CUL9: variants seen among roughly 807,000 people sequenced by gnomAD.
CUL9 encodes cullin-9.
In CUL9, 79 loss-of-function variants were observed where a neutral mutation model predicts 272.6. The observed-to-expected ratio is 0.29, with a 90% CI of 0.24 to 0.35. The LOEUF is 0.35. CUL9 is among the 10% of genes least tolerant of loss of function. The pLI is 1.00. For missense variants in CUL9, 2,532 were observed against 3,255.6 expected, an observed-to-expected ratio of 0.78 and a Z score of 5.41; for synonymous variants, 1,186 against 1,286.5, an observed-to-expected ratio of 0.92 and a Z score of 1.67.
In CUL9 at chr6:43,223,403, G is replaced by T; in HGVS notation, c.7284+6G>T. The T allele has an allele frequency of 6.3e-7, 1 of 1,588,920 alleles. No homozygotes were observed. The highest frequency in any genetic ancestry group is 8.6e-7 in the Non-Finnish European group (1 of 1,166,576). On this transcript the variant is annotated splice_donor_region_variant and intron_variant, in intron 39 of 40. Coordinates refer to ENST00000252050, the MANE Select transcript of CUL9 (RefSeq NM_015089.4). The surrounding 1 kb of genome is among the most constrained non-coding windows in gnomAD (Gnocchi z 4.1). ...TCCTGCAGCATTCTGCCCAGGTACT[G>T]CCCGGCCCAGACCCCTTCTGCTCCT...
Position 43,213,478 on chromosome 6 carries a change from CCCCAGAGCTG to C in CUL9, c.5401_5410del (p.Pro1801CysfsTer15). The C allele has an allele frequency of 6.2e-7, 1 of 1,614,172 alleles. No individual in the cohort carries two copies. Among genetic ancestry groups the C allele is most frequent in the Admixed American group, 1.7e-5 (1 of 60,018 alleles). On this transcript the variant is annotated frameshift_variant, in exon 28 of 41. Transcript: ENST00000252050. LOFTEE classifies it high-confidence loss of function. The surrounding 1 kb of genome is among the most constrained non-coding windows in gnomAD (Gnocchi z 5.7). ...ACCTTGCTGAAGGATTCTGACCTCTCCCCAGAGCTGCTGCTCCAGGCACTCGTGCCCCTCA... is the reference window on the plus strand; with the variant it reads ...ACCTTGCTGAAGGATTCTGACCTCTCCTGCTCCAGGCACTCGTGCCCCTCA...
At position 43,199,276 on chromosome 6, in the gene CUL9, C is replaced by G; in HGVS notation, c.3061C>G (p.Arg1021Gly). 1 of 1,613,128 alleles carries G rather than the reference C, an allele frequency of 6.2e-7. No homozygotes were observed. Among genetic ancestry groups the G allele is most frequent in the South Asian group, 1.1e-5 (1 of 91,052 alleles). ...CTACCCCCTCACCAGGGTCATAACC[C>G]GACTGCTGGATTTCCCTGAGGCAAT... Reference protein sequence around the residue: ...LLLSVLRVITRLLDFPEAMVL... With the variant: ...LLLSVLRVITGLLDFPEAMVL... Residue 1021 changes from arginine to glycine, a missense_variant, in exon 13 of 41, where the codon CGA becomes GGA. Physicochemically the swap from Arg to Gly is moderately radical, Grantham distance 125 (BLOSUM62 -2). Transcript: ENST00000252050. This position sits in a 1 kb window ranked among gnomAD's most constrained non-coding sequence, Gnocchi z 4.4.
intron 1 of CUL9, among the ~76,000 whole-genome samples, chr6:43,182,819 C>T (rs1052464684): frequency 3.3e-5 from 5 of 152,190 alleles, no homozygotes; most frequent in Non-Finnish European, 5.9e-5. Context: ...CATTCTTATT[C>T]TCACTATTCC....
At position 43,198,602 on chromosome 6, in the gene CUL9, G is replaced by T; in HGVS notation, c.2804-7G>T. The T allele has an allele frequency of 6.2e-7, 1 of 1,613,726 alleles. No individual in the cohort carries two copies. The highest frequency in any genetic ancestry group is 8.5e-7 in the Non-Finnish European group (1 of 1,179,736). ...CACATTTTTCCCTCTGGTGTGTCTG[G>T]CTGCAGCACTAGAGACCCCCATCAT... On this transcript the variant is annotated splice_region_variant and splice_polypyrimidine_tract_variant and intron_variant, in intron 11 of 40. Coordinates refer to ENST00000252050, the MANE Select transcript of CUL9 (RefSeq NM_015089.4).
chr6:43,192,932 G>A (rs1562022141), intron 8 of CUL9, 69 bp from the exon 9 acceptor site: 5 of 1,409,696 alleles, frequency 3.5e-6, no homozygotes, highest in South Asian at 1.2e-5. Context: ...GGAGTCCGAC[G>A]GTGCCATGGC....
intron 36 of CUL9, 68 bp downstream of exon 36, chr6:43,222,458 T>TGGGGGGGG: frequency 2.6e-6 from 2 of 762,462 alleles, no homozygotes; most frequent in Non-Finnish European, 4.2e-6. Flanking sequence ...TGGAGGGGGG[T>TGGGGGGGG]GGGCTGAAGG....
At chr6:43,215,372 C>A in intron 30 of CUL9, 46 bp downstream of exon 30, 1 of 1,545,606 alleles carries the variant, frequency 6.5e-7, no homozygotes, top group South Asian at 1.2e-5. Flanking sequence ...GAGAGGTGGT[C>A]ATGCCAAAGC....
rs755598911 is a variant in CUL9 at position 43,216,479 on chromosome 6, C to G, written c.6258C>G (p.Leu2086=). 1.3e-6 allele frequency: 2 copies of G among 1,599,044 alleles called. No individual in the cohort carries two copies. The highest frequency in any genetic ancestry group is 1.7e-5 in the Admixed American group (1 of 59,676). Residue 2086 remains leucine, a synonymous_variant, in exon 31 of 41, where the codon CTC becomes CTG. Transcript: ENST00000252050. ...GGTGTGACGACGACCTGCCCTCTCT[C>G]TGCTGCATGCACTATTGCTGTAAGG... ...PLGCDDDLPS[L]CCMHYCCKSC...
Position 43,193,207 on chromosome 6 carries a change from CG to C in CUL9, c.2388+1del. ...GTCTTGGTGCAGCAGGCTGGGCTGG[CG>C]GTGAGTACATTGGGCCTGGCGGGAG... Reference protein sequence around the residue: ...TSVLVQQAGLAALKMLAVASS... With the variant: ...TSVLVQQAGLXALKMLAVASS... On this transcript the variant is annotated frameshift_variant and splice_region_variant, in exon 9 of 41. Transcript: ENST00000252050. LOFTEE classifies it high-confidence loss of function. 1 of 1,613,666 alleles carries C rather than the reference CG, an allele frequency of 6.2e-7. No individual in the cohort carries two copies.
chr6:43,210,054 T>G (rs1775351779), intron 26 of CUL9, among the ~76,000 whole-genome samples: 1 of 152,188 alleles, frequency 6.6e-6, no homozygotes, highest in South Asian at 2.1e-4. Context: ...CTCAGCTCAC[T>G]GCAACCTCCG....
Position 43,184,720 on chromosome 6 carries a change from G to A in CUL9, c.410G>A (p.Ser137Asn), listed in dbSNP as rs1772754104. The change falls in exon 2 of 41, where the codon AGC (serine) becomes AAC (asparagine). Residue 137 changes from serine (S) to asparagine (N), a missense_variant. Physicochemically the swap from Ser to Asn is conservative, Grantham distance 46. This residue lies in a region of CUL9 where 2,218 missense variants were observed against 2,788.6 expected (regional missense o/e 0.80). Coordinates refer to ENST00000252050, the MANE Select transcript of CUL9 (RefSeq NM_015089.4). This position sits in a 1 kb window ranked among gnomAD's most constrained non-coding sequence, Gnocchi z 4.8. Reference protein sequence around the residue: ...ARQLAESGTPSLTAAVLHTIH... With the variant: ...ARQLAESGTPNLTAAVLHTIH... ...CAGCTGGCAGAAAGTGGGACCCCAA[G>A]CCTCACGGCCGCTGTGCTTCACACC... The A allele has an allele frequency of 5.6e-6, 9 of 1,614,148 alleles. No individual in the cohort carries two copies. The highest frequency in any genetic ancestry group is 7.6e-6 in the Non-Finnish European group (9 of 1,180,024).
intron 4 of CUL9, 45 bp from the exon 5 acceptor site, chr6:43,186,915 T>G (rs774487396): frequency 6.2e-7 from 1 of 1,603,630 alleles, no homozygotes; most frequent in Non-Finnish European, 8.5e-7. Context: ...GCTCAGAGGG[T>G]TGAGCCTTCT....
chr6:43,197,645 A>G (rs1357653261), intron 11 of CUL9, among the ~76,000 whole-genome samples: 3 of 149,840 alleles, frequency 2.0e-5, no homozygotes, highest in Middle Eastern at 3.5e-3. Context: ...CACCACACCC[A>G]GCTAATTTTT....
At chr6:43,195,131 G>A (rs763156426) in intron 9 of CUL9, among the ~76,000 whole-genome samples, 4 of 152,194 alleles carry the variant, frequency 2.6e-5, no homozygotes, top group African/African-American at 7.2e-5. Context: ...CTAACTAGGG[G>A]AGGGTGGTGT....
chr6:43,184,625 A>G lies in CUL9; in HGVS notation c.315A>G (p.Gly105=). 6.2e-7 allele frequency: 1 copy of G among 1,612,250 alleles called. No homozygotes were observed. The change falls in exon 2 of 41, where the codon GGA becomes GGG. Residue 105 remains glycine (G), a synonymous_variant. Transcript: ENST00000252050. The surrounding 1 kb of genome is among the most constrained non-coding windows in gnomAD (Gnocchi z 4.8). ...GVSGSFPRDP[G]GLDEVAMGEM... Reference sequence around the variant, plus strand: ...CAGGAAGCTTTCCTCGAGATCCAGGAGGCCTGGATGAAGTGGCAATGGGAG... The same window carrying G: ...CAGGAAGCTTTCCTCGAGATCCAGGGGGCCTGGATGAAGTGGCAATGGGAG...
At position 43,203,416 on chromosome 6, in the gene CUL9, G is replaced by A. The variant is rs768081588; in HGVS notation, c.3850-1G>A. The A allele has an allele frequency of 6.2e-7, 1 of 1,613,950 alleles. No individual in the cohort carries two copies. The highest frequency in any genetic ancestry group is 8.5e-7 in the Non-Finnish European group (1 of 1,179,930). On this transcript the variant is annotated splice_acceptor_variant, in intron 18 of 40. Coordinates refer to ENST00000252050, the MANE Select transcript of CUL9 (RefSeq NM_015089.4). LOFTEE classifies it high-confidence loss of function. The surrounding 1 kb of genome is among the most constrained non-coding windows in gnomAD (Gnocchi z 5.0). ...GACAGATAAGTCTGTGCATGTTCCA[G>A]GGCGGCATTGACACCCGGGTTCGGG...
At position 43,186,088 on chromosome 6, in the gene CUL9, G is replaced by C. The variant is rs779482945; in HGVS notation, c.884G>C (p.Arg295Pro). Reference sequence around the variant, plus strand: ...CCATGTGCCACAAGAGAGAAAAGCCGGGGACAGCGGGAACTGGAGTTCAGC... The same window carrying C: ...CCATGTGCCACAAGAGAGAAAAGCCCGGGACAGCGGGAACTGGAGTTCAGC... ...SSPCATREKS[R>P]GQRELEFSMA... Residue 295 changes from arginine (R) to proline (P), a missense_variant, in exon 4 of 41, where the codon CGG (arginine) becomes CCG (proline). Around this residue, in one of 3 missense-constraint regions of CUL9, gnomAD observed 2,218 missense variants for 2,788.6 expected, o/e 0.80. Transcript: ENST00000252050. 2.5e-6 allele frequency: 4 copies of C among 1,614,088 alleles called. No individual in the cohort carries two copies. Among genetic ancestry groups the C allele is most frequent in the African/African-American group, 1.3e-5 (1 of 74,934 alleles).
rs537443116 is a variant in CUL9, at chr6:43,200,341, G to A, written c.3385-95G>A. 6.9e-6 allele frequency: 11 copies of A among 1,596,614 alleles called. No homozygotes were observed. The highest frequency in any genetic ancestry group is 6.7e-5 in the Admixed American group (4 of 59,504). On this transcript the variant is annotated intron_variant, in intron 14 of 40. Coordinates refer to ENST00000252050, the MANE Select transcript of CUL9 (RefSeq NM_015089.4). This position sits in a 1 kb window ranked among gnomAD's most constrained non-coding sequence, Gnocchi z 4.0. ...TGGGGAGAGAGGAGTTGAGTATACC[G>A]TTGACCCTTGACTTTTTCTCTCTAC...
At position 43,224,456 on chromosome 6, in the gene CUL9, G is replaced by A; in HGVS notation, c.*11G>A. 2 of 1,610,812 alleles carry A rather than the reference G, an allele frequency of 1.2e-6. No individual in the cohort carries two copies. Among genetic ancestry groups the A allele is most frequent in the South Asian group, 1.1e-5 (1 of 90,588 alleles). On this transcript the variant is annotated 3_prime_UTR_variant, in exon 41 of 41. Coordinates refer to ENST00000252050, the MANE Select transcript of CUL9 (RefSeq NM_015089.4). This position sits in a 1 kb window ranked among gnomAD's most constrained non-coding sequence, Gnocchi z 4.2. ...GAGGCCTATGACTGAGGGGGCAGAT[G>A]CAGGAAACACCTAGAGCAGCCCCAG...
Sources: allele counts gnomAD v4.1 joint callset (sites outside exome capture counted in the v4.1 genomes callset), GRCh38; gene constraint gnomAD v4.1.1; regional missense constraint gnomAD v4.1.1; non-coding constraint Gnocchi (gnomAD v3.1); transcripts MANE v1.5; gene names NCBI Gene and HGNC (gene_info 2026-07-23, HGNC 2026-07-21).